The following SLMAP variants were observed in gnomAD, a reference collection of about 807,000 sequenced individuals.
SLMAP encodes the protein sarcolemma associated protein.
A neutral mutation model predicts 128.8 loss-of-function variants in SLMAP; 44 were observed. The observed-to-expected ratio is 0.34, with a 90% CI of 0.27 to 0.44. The LOEUF is 0.44. SLMAP is among the 20% of genes least tolerant of loss of function. The pLI is 1.00. For missense variants in SLMAP, 787 were observed against 985.3 expected, an observed-to-expected ratio of 0.80 and a Z score of 2.69; for synonymous variants, 327 against 348.8, an observed-to-expected ratio of 0.94 and a Z score of 0.70.
chr3:57,821,195 C>T, intron 2 of SLMAP, among the ~76,000 whole-genome samples: 1 of 152,194 alleles, frequency 6.6e-6, no homozygotes, highest in East Asian at 1.9e-4. Context: ...TCTCAGCTCC[C>T]ATGTAGAGAC....
intron 15 of SLMAP, chr3:57,896,308 T>G: frequency 7.7e-7 from 1 of 1,291,350 alleles, no homozygotes; most frequent in Non-Finnish European, 9.8e-7. Flanking sequence ...ATGATCCACA[T>G]TATAATTTAA....
At chr3:57,895,712 C>T (rs749285536) in intron 15 of SLMAP, among the ~76,000 whole-genome samples, 11 of 152,018 alleles carry the variant, frequency 7.2e-5, no homozygotes, top group South Asian at 2.1e-4. Context: ...GAGGCTGAGA[C>T]GGGAGGATCA....
intron 2 of SLMAP, among the ~76,000 whole-genome samples, chr3:57,814,952 A>G (rs2091636095): frequency 6.6e-6 from 1 of 151,818 alleles, no homozygotes; most frequent in Admixed American, 6.6e-5. Context: ...TGCCTACTGT[A>G]CTCTAGTATG....
intron 18 of SLMAP, among the ~76,000 whole-genome samples, chr3:57,908,862 C>T (rs1385398418): frequency 6.6e-6 from 1 of 152,136 alleles, no homozygotes; most frequent in Admixed American, 6.5e-5. Flanking sequence ...CAGAAAACTC[C>T]ACTACTCAGT....
intron 24 of SLMAP, 36 bp from the exon 25 acceptor site, chr3:57,927,260 G>C: frequency 1.4e-6 from 2 of 1,384,918 alleles, no homozygotes; most frequent in Non-Finnish European, 2.0e-6. Context: ...AGAGAGGGGA[G>C]AATGTGATAT....
chr3:57,906,348 C>CTCT (rs2153679122), intron 17 of SLMAP, among the ~76,000 whole-genome samples: 1 of 67,130 alleles, frequency 1.5e-5, no homozygotes, highest in East Asian at 1.0e-3. Context: ...CACAGTCACT[C>CTCT]TCTGTCGCCC....
Position 57,928,124 on chromosome 3 carries a change from CAT to C in SLMAP, c.*837_*838del, listed in dbSNP as rs1318470552. On this transcript the variant is annotated 3_prime_UTR_variant, in exon 25 of 25. Transcript: ENST00000671191. The stretch of plus-strand genomic sequence containing the variant: ...ACTGAAGTATTTCTGGGAGCAAAAA[CAT>C]AGTAATTACACAATTTCAGTGCAGT... The C allele has an allele frequency of 2.0e-5, 3 of 152,502 alleles. No individual in the cohort carries two copies. The highest frequency in any genetic ancestry group is 4.4e-5 in the Non-Finnish European group (3 of 68,020). 9.4% of individuals were successfully genotyped at this position (152,502 alleles called of 1,614,324 possible).
chr3:57,894,543 T>C (rs1370525314), intron 15 of SLMAP, among the ~76,000 whole-genome samples: 2 of 152,226 alleles, frequency 1.3e-5, no homozygotes, highest in African/African-American at 4.8e-5. Context: ...TATAAAAATA[T>C]ATGCTTTATA....
intron 6 of SLMAP, 144 bp downstream of exon 6, chr3:57,849,960 G>A (rs1405121171): frequency 1.0e-5 from 6 of 602,986 alleles, no homozygotes; most frequent in Non-Finnish European, 1.8e-5. Context: ...GATTCTTTGA[G>A]GCCAAGAGTT....
chr3:57,797,183 T>TA (rs35969510), intron 2 of SLMAP, among the ~76,000 whole-genome samples: 32,697 of 102,524 alleles, frequency 0.32, 5,668 homozygotes, highest in East Asian at 0.46. Flanking sequence ...TCCTGTATCT[T>TA]AAAAAAAAAA....
chr3:57,871,674 A>G lies in SLMAP; in HGVS notation c.1276A>G (p.Ile426Val). ...LSKSGGDCTF[I>V]HQFIECQKKL... ...AAAGAGTGGCGGGGACTGCACTTTT[A>G]TTCATCAATTCATAGAATGCCAGAG... The change falls in exon 14 of 25, where the codon ATT (isoleucine) becomes GTT (valine). Residue 426 changes from isoleucine to valine, a missense_variant. Coordinates refer to ENST00000671191, the MANE Select transcript of SLMAP (RefSeq NM_001377540.1). 6.2e-7 allele frequency: 1 copy of G among 1,608,552 alleles called. No homozygotes were observed. Among genetic ancestry groups the G allele is most frequent in the Non-Finnish European group, 8.5e-7 (1 of 1,177,084 alleles).
chr3:57,849,810 T>C lies in SLMAP; in HGVS notation c.513T>C (p.Tyr171=), dbSNP rs756380355. The C allele has an allele frequency of 6.6e-7, 1 of 1,526,166 alleles. No homozygotes were observed. Among genetic ancestry groups the C allele is most frequent in the Admixed American group, 1.7e-5 (1 of 59,894 alleles). 94.5% of individuals were successfully genotyped at this position (1,526,166 alleles called of 1,614,324 possible). A position where few individuals can be genotyped will look rare whatever the true frequency, so the allele number is the denominator to read the frequency against. Residue 171 remains tyrosine, a synonymous_variant, in exon 6 of 25, where the codon TAT becomes TAC. Coordinates refer to ENST00000671191, the MANE Select transcript of SLMAP (RefSeq NM_001377540.1). ...AGGAACTATTCCAGCTTTCTCAGTA[T>C]CTACAGGTAAAAGTACATCTTGAGA... The part of the protein sequence containing the change: ...YSQELFQLSQ[Y]LQEALHREQM...
At chr3:57,847,688 C>T (rs1219452111) in intron 5 of SLMAP, among the ~76,000 whole-genome samples, 1 of 152,130 alleles carries the variant, frequency 6.6e-6, no homozygotes, top group Non-Finnish European at 1.5e-5. Context: ...AGAAACTTTG[C>T]AATAATTGCT....
chr3:57,850,791 C>T (rs2094472247), intron 6 of SLMAP, among the ~76,000 whole-genome samples: 1 of 152,030 alleles, frequency 6.6e-6, no homozygotes, highest in African/African-American at 2.4e-5. Context: ...CCACCACCCA[C>T]AGCTGGCTAA....
chr3:57,812,346 G>C (rs1022966623), intron 2 of SLMAP, among the ~76,000 whole-genome samples: 6 of 152,126 alleles, frequency 3.9e-5, no homozygotes, highest in African/African-American at 1.4e-4. Flanking sequence ...CCCATTAAAT[G>C]ATCTTGGCAC....
intron 2 of SLMAP, among the ~76,000 whole-genome samples, chr3:57,763,632 G>C (rs1295834630): frequency 6.6e-6 from 1 of 151,984 alleles, no homozygotes; most frequent in Non-Finnish European, 1.5e-5. Context: ...AGGGCATAGT[G>C]GTAAAGGGGG....
intron 2 of SLMAP, among the ~76,000 whole-genome samples, chr3:57,828,635 A>G (rs935978956): frequency 1.4e-4 from 22 of 152,186 alleles, no homozygotes; most frequent in African/African-American, 5.1e-4. Flanking sequence ...TTTGAAAGCC[A>G]TTAGCAGGTT....
At chr3:57,881,921 C>T (rs773399075) in intron 14 of SLMAP, among the ~76,000 whole-genome samples, 1 of 152,102 alleles carries the variant, frequency 6.6e-6, no homozygotes, top group Middle Eastern at 3.4e-3. Flanking sequence ...CGCTTGAGCC[C>T]GGGAGTTAGA....
In SLMAP at chr3:57,790,856, T is replaced by C. The variant is rs544510713; in HGVS notation, c.198+33007T>C. Among the ~76,000 whole-genome samples the C allele has an allele frequency of 3.9e-5, 6 of 152,286 alleles. No individual in the cohort carries two copies. The South Asian group carries it at 1.2e-3, about 32-fold the overall frequency. ...ATTTTAAGAACATAATTAAGTTGCT[T>C]TGGAGCAAAGGGGTCACATAAAATA... On this transcript the variant is annotated intron_variant, in intron 2 of 24. Transcript: ENST00000671191.
Sources: allele counts gnomAD v4.1 joint callset (sites outside exome capture counted in the v4.1 genomes callset), GRCh38; gene constraint gnomAD v4.1.1; transcripts MANE v1.5; gene names NCBI Gene and HGNC (gene_info 2026-07-23, HGNC 2026-07-21).